REV1: variants seen among roughly 807,000 people sequenced by gnomAD.
REV1 encodes the protein translesion synthesis protein REV1.
REV1 carries 42 observed loss-of-function variants against 137.4 expected under a neutral mutation model. That is an observed-to-expected ratio of 0.31 (90% confidence interval 0.24 to 0.40). The LOEUF is 0.40. Ranked by LOEUF, REV1 falls within the 10% of genes least tolerant of loss-of-function variation. REV1 has a pLI of 1.00. For synonymous variants in REV1, 524 were observed against 519.2 expected (o/e 1.01, Z -0.12); for missense variants, 1,282 against 1,490.1 (o/e 0.86, Z 2.30).
intron 5 of REV1, among the ~76,000 whole-genome samples, chr2:99,441,793 T>C (rs1215021398): frequency 1.3e-5 from 2 of 152,234 alleles, no homozygotes; most frequent in Non-Finnish European, 2.9e-5. Context: ...CCAGTATGAC[T>C]GTAAAAACTT....
chr2:99,462,753 G>A (rs1159425932), intron 2 of REV1, 131 bp from the exon 3 acceptor site: 1 of 925,500 alleles, frequency 1.1e-6, no homozygotes, highest in East Asian at 2.7e-5. Flanking sequence ...ACATAATGAT[G>A]ACCTCATAAA....
rs991688083 is a variant in REV1 at position 99,402,748 on chromosome 2, G to T, written c.3437C>A (p.Ser1146Tyr). The change falls in exon 21 of 23, where the codon TCT becomes TAT. Residue 1146 changes from serine to tyrosine, a missense_variant. Coordinates refer to ENST00000258428, the MANE Select transcript of REV1 (RefSeq NM_016316.4). ...AGGTCTCACACAGCCAGCTGGGTCA[G>T]ACTGCAAACTAGAAAGGCCTGGCAC... ...SGVPGLSSLQ[S>Y]DPAGCVRPPA... is the part of the protein sequence containing the mutation. 5.0e-6 allele frequency: 8 copies of T among 1,614,176 alleles called. No homozygotes were observed. The highest frequency in any genetic ancestry group is 5.9e-6 in the Non-Finnish European group (7 of 1,180,010).
Position 99,449,450 on chromosome 2 carries a change from T to A in REV1, c.236A>T (p.His79Leu). The A allele has an allele frequency of 6.4e-7, 1 of 1,566,008 alleles. No individual in the cohort carries two copies. The highest frequency in any genetic ancestry group is 8.6e-7 in the Non-Finnish European group (1 of 1,159,128). ...KLMMLHGGQYHVYYSRSKTTH... is the reference protein window; with the variant it reads ...KLMMLHGGQYLVYYSRSKTTH... ...TGTTTTAGATCTGGAATAATATACA[T>A]GGTATTGACCTCCATGCAACATCAT... The change falls in exon 4 of 23, where the codon CAT (histidine) becomes CTT (leucine). Residue 79 changes from histidine to leucine, a missense_variant. Around this residue, in one of 7 missense-constraint regions of REV1, gnomAD observed 107 missense variants for 164.3 expected, o/e 0.65. Transcript: ENST00000258428.
rs756597192 is a variant in REV1, at chr2:99,412,722, G to A, written c.2172+9C>T. 6.2e-7 allele frequency: 1 copy of A among 1,605,268 alleles called. No homozygotes were observed. The highest frequency in any genetic ancestry group is 1.1e-5 in the South Asian group (1 of 90,830). Reference sequence around the variant, plus strand: ...CAACAGATGGCAAAATCTGTTCAATGATCAGTACCTGAGTAAACCTTATTC... The same window carrying A: ...CAACAGATGGCAAAATCTGTTCAATAATCAGTACCTGAGTAAACCTTATTC... On this transcript the variant is annotated intron_variant, in intron 13 of 22. Coordinates refer to ENST00000258428, the MANE Select transcript of REV1 (RefSeq NM_016316.4).
At chr2:99,457,360 G>A (rs540780803) in intron 3 of REV1, among the ~76,000 whole-genome samples, 8 of 152,166 alleles carry the variant, frequency 5.3e-5, no homozygotes, top group African/African-American at 1.7e-4. Context: ...ATCCCAGCAA[G>A]GTATTTTGTG....
intron 17 of REV1, 59 bp from the exon 18 acceptor site, chr2:99,404,736 G>T: frequency 8.8e-7 from 1 of 1,139,088 alleles, no homozygotes; most frequent in South Asian, 1.3e-5. Context: ...TGAGGTGTTT[G>T]GGAGTTAACA....
At chr2:99,410,893 C>T in intron 13 of REV1, 26 bp from the exon 14 acceptor site, 1 of 1,562,138 alleles carries the variant, frequency 6.4e-7, no homozygotes, top group Non-Finnish European at 8.6e-7. Flanking sequence ...CGTGGAGAAA[C>T]TACCATTCCA....
At chr2:99,434,835 T>C (rs754248506) in intron 7 of REV1, among the ~76,000 whole-genome samples, 11 of 114,978 alleles carry the variant, frequency 9.6e-5, no homozygotes, top group Non-Finnish European at 7.1e-5. Flanking sequence ...TTAACATCTA[T>C]ACTTATCTCT....
chr2:99,484,083 T>A (rs1686898247), intron 1 of REV1, among the ~76,000 whole-genome samples: 1 of 152,086 alleles, frequency 6.6e-6, no homozygotes, highest in Non-Finnish European at 1.5e-5. Flanking sequence ...CAGGTAAAGA[T>A]CTCCTATGTA....
chr2:99,421,333 A>G (rs542908129), intron 11 of REV1, among the ~76,000 whole-genome samples, 166 bp downstream of exon 11: 1 of 152,202 alleles, frequency 6.6e-6, no homozygotes, highest in African/African-American at 2.4e-5. Context: ...TCAACCATTT[A>G]CTTATATTTC....
Position 99,406,388 on chromosome 2 carries a change from A to T in REV1, c.2551T>A (p.Ser851Thr). The T allele has an allele frequency of 1.2e-6, 2 of 1,613,928 alleles. No individual in the cohort carries two copies. The highest frequency in any genetic ancestry group is 1.7e-6 in the Non-Finnish European group (2 of 1,179,842). The change falls in exon 16 of 23, where the codon TCT becomes ACT. Residue 851 changes from serine (S) to threonine (T), a missense_variant. This residue lies in a region of REV1 where 372 missense variants were observed against 482.3 expected (regional missense o/e 0.77). Transcript: ENST00000258428. ...TGAACTTGGAAGACATCACGGACAG[A>T]GTATGACCCACTAGGAAAGTGGCTT... ...QSSHFPSGSYSVRDVFQVQKA... is the reference protein window; with the variant it reads ...QSSHFPSGSYTVRDVFQVQKA...
At chr2:99,443,375 T>C (rs572840035) in intron 4 of REV1, among the ~76,000 whole-genome samples, 30 of 152,216 alleles carry the variant, frequency 2.0e-4, no homozygotes, top group Non-Finnish European at 4.0e-4. Flanking sequence ...TTTCTTATTG[T>C]CTCATAAATC....
Position 99,412,888 on chromosome 2 carries a change from T to C in REV1, c.2015A>G (p.Gln672Arg). 1 of 1,614,176 alleles carries C rather than the reference T, an allele frequency of 6.2e-7. No homozygotes were observed. The highest frequency in any genetic ancestry group is 8.5e-7 in the Non-Finnish European group (1 of 1,180,000). Residue 672 changes from glutamine to arginine, a missense_variant, in exon 13 of 23, where the codon CAG (glutamine) becomes CGG (arginine). By Grantham distance (43) the Gln-to-Arg change is conservative (BLOSUM62 1). Coordinates refer to ENST00000258428, the MANE Select transcript of REV1 (RefSeq NM_016316.4). ...TTGGAGTTTTGCCATGGTCATATAC[T>C]GCAAGTCTCCACAAGTTTTAATTCC... The part of the protein sequence containing the change: ...SLGIKTCGDL[Q>R]YMTMAKLQKE...
chr2:99,409,251 G>A (rs910758908), intron 14 of REV1, among the ~76,000 whole-genome samples: 3 of 152,128 alleles, frequency 2.0e-5, no homozygotes, highest in African/African-American at 7.2e-5. Context: ...TTCTCTAATT[G>A]TAATTTATAA....
chr2:99,432,092 T>C (rs932385915), intron 8 of REV1, among the ~76,000 whole-genome samples: 2 of 152,108 alleles, frequency 1.3e-5, no homozygotes, highest in African/African-American at 4.8e-5. Flanking sequence ...ACCATGAAAT[T>C]TGGAGCATAA....
chr2:99,400,985 T>G lies in REV1; in HGVS notation c.*256A>C, dbSNP rs1675300140. Reference sequence around the variant, plus strand: ...TCTTTATTAAACAACTGTAAACACTTCACTGTAAAAATCCATAAAACTTTA... The same window carrying G: ...TCTTTATTAAACAACTGTAAACACTGCACTGTAAAAATCCATAAAACTTTA... On this transcript the variant is annotated 3_prime_UTR_variant, in exon 23 of 23. Transcript: ENST00000258428. 1 of 266,360 alleles carries G rather than the reference T, an allele frequency of 3.8e-6. No individual in the cohort carries two copies. The highest frequency in any genetic ancestry group is 7.2e-5 in the East Asian group (1 of 13,806). 16.5% of individuals were successfully genotyped at this position (266,360 alleles called of 1,614,324 possible). A position where few individuals can be genotyped will look rare whatever the true frequency, so the allele number is the denominator to read the frequency against.
chr2:99,410,608 C>T (rs778927382), intron 14 of REV1, 87 bp downstream of exon 14: 27 of 1,200,816 alleles, frequency 2.2e-5, no homozygotes, highest in Non-Finnish European at 3.0e-5. Flanking sequence ...TTTATTCAAA[C>T]TCCTCCTTGG....
At chr2:99,477,916 G>A (rs1686166371) in intron 1 of REV1, among the ~76,000 whole-genome samples, 1 of 152,186 alleles carries the variant, frequency 6.6e-6, no homozygotes. Flanking sequence ...GAAAGGGAAA[G>A]AAGTAGAGAC....
rs764510396 is a variant in REV1 at position 99,439,168 on chromosome 2, G to T, written c.646C>A (p.Pro216Thr). 1 of 1,614,156 alleles carries T rather than the reference G, an allele frequency of 6.2e-7. No homozygotes were observed. The highest frequency in any genetic ancestry group is 8.5e-7 in the Non-Finnish European group (1 of 1,180,012). Residue 216 changes from proline to threonine, a missense_variant, in exon 6 of 23, where the codon CCG becomes ACG. Coordinates refer to ENST00000258428, the MANE Select transcript of REV1 (RefSeq NM_016316.4). ...ATGGCAGTGCTCCCTCTGGGATGCGGAATTCCATTCTGTTTCCTTCCCGGA... is the reference window on the plus strand; with the variant it reads ...ATGGCAGTGCTCCCTCTGGGATGCGTAATTCCATTCTGTTTCCTTCCCGGA... ...TSPGRKQNGI[P>T]HPRGSTAIFN...
Sources: allele counts gnomAD v4.1 joint callset (sites outside exome capture counted in the v4.1 genomes callset), GRCh38; gene constraint gnomAD v4.1.1; regional missense constraint gnomAD v4.1.1; transcripts MANE v1.5; gene names NCBI Gene and HGNC (gene_info 2026-07-23, HGNC 2026-07-21).